TAFA1: variants seen among roughly 807,000 people sequenced by gnomAD.
TAFA1 encodes the protein chemokine-like protein TAFA-1.
TAFA1 carries 4 observed loss-of-function variants against 18.5 expected under a neutral mutation model. The ratio of observed to expected loss-of-function variants is 0.22; its 90% CI spans 0.11 to 0.49. The LOEUF (loss-of-function observed/expected upper bound fraction) is 0.49, where lower values mean the gene tolerates loss of function less well. TAFA1 is among the 20% of genes least tolerant of loss of function. The pLI is 0.98. For missense variants in TAFA1, 147 were observed against 169.0 expected, an observed-to-expected ratio of 0.87 and a Z score of 0.72; for synonymous variants, 56 against 55.2, an observed-to-expected ratio of 1.01 and a Z score of -0.06.
intron 2 of TAFA1, among the ~76,000 whole-genome samples, chr3:68,170,940 C>T (rs2106958812): frequency 6.6e-6 from 1 of 152,112 alleles, no homozygotes; most frequent in East Asian, 1.9e-4. Context: ...CTCATTAAGC[C>T]AACAAGCAGC....
At chr3:68,306,520 A>G (rs1456417256) in intron 2 of TAFA1, among the ~76,000 whole-genome samples, 2 of 151,242 alleles carry the variant, frequency 1.3e-5, no homozygotes, top group Non-Finnish European at 3.0e-5. Flanking sequence ...GTGTGTGTGT[A>G]TGTTTAAATT....
intron 2 of TAFA1, among the ~76,000 whole-genome samples, chr3:68,309,784 C>T (rs1302891494): frequency 1.3e-5 from 2 of 152,186 alleles, no homozygotes; most frequent in Non-Finnish European, 2.9e-5. Flanking sequence ...CAACATGGTC[C>T]TCAAATCATG....
intron 2 of TAFA1, among the ~76,000 whole-genome samples, chr3:68,278,711 C>A (rs1459179539): frequency 1.3e-5 from 2 of 152,096 alleles, no homozygotes; most frequent in African/African-American, 4.8e-5. Flanking sequence ...ACCTATGGTT[C>A]TCAAACTTCA....
At chr3:68,435,357 T>C (rs2071251367) in intron 3 of TAFA1, among the ~76,000 whole-genome samples, 1 of 152,102 alleles carries the variant, frequency 6.6e-6, no homozygotes, top group Admixed American at 6.6e-5. Flanking sequence ...AGGAATGAGC[T>C]CATGCAGCAG....
intron 2 of TAFA1, among the ~76,000 whole-genome samples, chr3:68,121,661 C>A (rs2065400538): frequency 6.6e-6 from 1 of 152,042 alleles, no homozygotes; most frequent in Non-Finnish European, 1.5e-5. Context: ...GTGTTCATGG[C>A]TGAATATAAA....
chr3:68,315,702 G>A (rs1338779980), intron 2 of TAFA1, among the ~76,000 whole-genome samples: 2 of 152,154 alleles, frequency 1.3e-5, no homozygotes, highest in African/African-American at 4.8e-5. Flanking sequence ...TTTACTAGTA[G>A]CTTATGCTCC....
chr3:68,096,562 C>A (rs950512899), intron 2 of TAFA1, among the ~76,000 whole-genome samples: 4 of 152,054 alleles, frequency 2.6e-5, no homozygotes, highest in Non-Finnish European at 5.9e-5. Context: ...AAGGTAGGAG[C>A]ATTAGCTACA....
intron 2 of TAFA1, among the ~76,000 whole-genome samples, chr3:68,068,814 C>T (rs144014923): frequency 6.6e-6 from 1 of 152,216 alleles, no homozygotes; most frequent in East Asian, 1.9e-4. Context: ...ATAAGGATGG[C>T]CATAAAAACA....
intron 4 of TAFA1, among the ~76,000 whole-genome samples, chr3:68,542,261 G>A (rs1358584116): frequency 2.0e-5 from 3 of 152,120 alleles, no homozygotes; most frequent in African/African-American, 7.2e-5. Context: ...GAGAATCTCA[G>A]TACATCTGGG....
intron 2 of TAFA1, among the ~76,000 whole-genome samples, chr3:68,178,400 A>G (rs1006691734): frequency 2.6e-5 from 4 of 152,196 alleles, no homozygotes; most frequent in African/African-American, 4.8e-5. Context: ...GAAGGAACAG[A>G]CCAAAAACGT....
chr3:68,384,426 C>A (rs372050804), intron 2 of TAFA1, among the ~76,000 whole-genome samples: 1 of 151,932 alleles, frequency 6.6e-6, no homozygotes, highest in Non-Finnish European at 1.5e-5. Context: ...ATTATTTAAC[C>A]GAAAGCCATT....
chr3:68,362,398 T>G (rs1041210513), intron 2 of TAFA1, among the ~76,000 whole-genome samples: 3 of 152,114 alleles, frequency 2.0e-5, no homozygotes, highest in Non-Finnish European at 4.4e-5. Context: ...GATAACATTC[T>G]CACGGACTGA....
intron 2 of TAFA1, among the ~76,000 whole-genome samples, chr3:68,377,896 C>A (rs1000751317): frequency 2.0e-5 from 3 of 152,204 alleles, no homozygotes; most frequent in Non-Finnish European, 4.4e-5. Flanking sequence ...TCAGAGGATG[C>A]AAGCCCCAAC....
chr3:68,501,009 G>A (rs2072647703), intron 3 of TAFA1, among the ~76,000 whole-genome samples: 1 of 151,886 alleles, frequency 6.6e-6, no homozygotes, highest in Non-Finnish European at 1.5e-5. Context: ...AAAAAAATTA[G>A]CCAGGCATGG....
At chr3:68,232,378 C>G (rs1325869899) in intron 2 of TAFA1, among the ~76,000 whole-genome samples, 2 of 152,182 alleles carry the variant, frequency 1.3e-5, no homozygotes, top group Admixed American at 6.5e-5. Flanking sequence ...CATATTGCCC[C>G]ATGTGACAGG....
At chr3:68,137,501 G>A (rs1236439203) in intron 2 of TAFA1, among the ~76,000 whole-genome samples, 2 of 152,176 alleles carry the variant, frequency 1.3e-5, no homozygotes, top group Non-Finnish European at 2.9e-5. Flanking sequence ...ATGATAGAAA[G>A]TTCTAGAAAC....
intron 2 of TAFA1, among the ~76,000 whole-genome samples, chr3:68,021,916 G>A (rs1455473652): frequency 1.3e-5 from 2 of 152,102 alleles, no homozygotes; most frequent in Admixed American, 1.3e-4. Flanking sequence ...AAACCATATA[G>A]AAGCCTTACC....
rs114518962 is a variant in TAFA1, at chr3:68,328,517, T to C, written c.119-88763T>C. On this transcript the variant is annotated intron_variant, in intron 2 of 4. Transcript: ENST00000478136. ...GGGAAGCTAGTCTAAGCATTTCAGC[T>C]GTTTTCTGAGAGATGTTAACAAACA... 6.1e-3 allele frequency among the ~76,000 whole-genome samples: 924 copies of C among 152,348 alleles called. 16 individuals are homozygous for C. The highest frequency in any genetic ancestry group is 0.022 in the African/African-American group (896 of 41,572).
intron 2 of TAFA1, among the ~76,000 whole-genome samples, chr3:68,349,623 A>G (rs913834950): frequency 1.3e-5 from 2 of 152,128 alleles, no homozygotes; most frequent in Admixed American, 6.6e-5. Context: ...GATAGTAACT[A>G]TTTTAGGCTT....
Sources: allele counts gnomAD v4.1 joint callset (sites outside exome capture counted in the v4.1 genomes callset), GRCh38; gene constraint gnomAD v4.1.1; transcripts MANE v1.5; gene names NCBI Gene and HGNC (gene_info 2026-07-23, HGNC 2026-07-21).